EHD3: variants seen among roughly 807,000 people sequenced by gnomAD.
EHD3 encodes the protein EH domain containing 3.
In EHD3, 17 loss-of-function variants were observed where a neutral mutation model predicts 43.0. The ratio of observed to expected loss-of-function variants is 0.40; its 90% confidence interval spans 0.27 to 0.59. EHD3 has a LOEUF of 0.59. Ranked by LOEUF, EHD3 falls within the 20% of genes least tolerant of loss-of-function variation. EHD3 has a pLI of 0.49. For synonymous variants in EHD3, 313 were observed against 289.5 expected (o/e 1.08, Z -0.82); for missense variants, 594 against 705.6 (o/e 0.84, Z 1.79).
At chr2:31,256,065 G>A (rs961870898) in intron 3 of EHD3, among the ~76,000 whole-genome samples, 2 of 152,112 alleles carry the variant, frequency 1.3e-5, no homozygotes, top group Admixed American at 6.5e-5. Context: ...TCAATCCCCT[G>A]ATTTGACAGG....
intron 2 of EHD3, among the ~76,000 whole-genome samples, chr2:31,245,528 A>AATAT (rs775189280): frequency 9.6e-4 from 72 of 75,026 alleles, no homozygotes; most frequent in Middle Eastern, 8.1e-3. Flanking sequence ...TCTTATCCCA[A>AATAT]ATATATATAT....
At chr2:31,255,932 G>C (rs142160432) in intron 3 of EHD3, among the ~76,000 whole-genome samples, 1 of 152,168 alleles carries the variant, frequency 6.6e-6, no homozygotes. Context: ...CTCTCTTGCT[G>C]TGCCTGCAAA....
rs770239969 is a variant in EHD3, at chr2:31,266,728, G to T, written c.*24G>T. On this transcript the variant is annotated 3_prime_UTR_variant, in exon 6 of 6. Transcript: ENST00000322054. This position sits in a 1 kb window ranked among gnomAD's most constrained non-coding sequence, Gnocchi z 5.1. ...GATGGGGTGGGGGGACATTCAGACG[G>T]GCAGTGTTAGAGGAGGAGATGGGAG... 2 of 1,570,376 alleles carry T rather than the reference G, an allele frequency of 1.3e-6. No individual in the cohort carries two copies.
intron 5 of EHD3, among the ~76,000 whole-genome samples, chr2:31,262,182 G>A (rs1313329907): frequency 6.6e-6 from 1 of 152,178 alleles, no homozygotes; most frequent in Non-Finnish European, 1.5e-5. Context: ...GGGTCCTATT[G>A]CAGGTGCCTA....
chr2:31,239,937 G>A (rs62140707), intron 1 of EHD3, among the ~76,000 whole-genome samples: 2,997 of 152,270 alleles, frequency 0.02, 46 homozygotes, highest in Non-Finnish European at 0.031. Flanking sequence ...GGGGCACGTC[G>A]CTGAGCTCTG....
At chr2:31,255,870 A>C (rs182542576) in intron 3 of EHD3, among the ~76,000 whole-genome samples, 31 of 152,336 alleles carry the variant, frequency 2.0e-4, no homozygotes, top group African/African-American at 6.3e-4. Context: ...AGGCAGAGGC[A>C]GACTTCACAC....
intron 1 of EHD3, among the ~76,000 whole-genome samples, chr2:31,240,607 C>G (rs1175933216): frequency 6.6e-6 from 1 of 152,214 alleles, no homozygotes; most frequent in East Asian, 1.9e-4. Context: ...AGGCCCTTGC[C>G]TGACCACCTC....
chr2:31,267,197 A>C lies in EHD3; in HGVS notation c.*493A>C, dbSNP rs1400653219. The C allele has an allele frequency of 6.5e-6, 1 of 154,984 alleles. No homozygotes were observed. Among genetic ancestry groups the C allele is most frequent in the Non-Finnish European group, 1.4e-5 (1 of 69,916 alleles). The allele number at this position is 154,984 out of a possible 1,614,324, so 9.6% of individuals were successfully genotyped here. On this transcript the variant is annotated 3_prime_UTR_variant, in exon 6 of 6. Coordinates refer to ENST00000322054, the MANE Select transcript of EHD3 (RefSeq NM_014600.3). ...CTAGGAGATCTGAGGGCAGGCGGGC[A>C]GCTGCAGGGAGGAGAGGTGAGAAAG...
chr2:31,259,754 T>C (rs548031565), intron 3 of EHD3, among the ~76,000 whole-genome samples: 1 of 152,226 alleles, frequency 6.6e-6, no homozygotes, highest in Non-Finnish European at 1.5e-5. Context: ...TACTTTTTAG[T>C]GTTTCATTGT....
At position 31,261,440 on chromosome 2, in the gene EHD3, G is replaced by A. The variant is rs901311343; in HGVS notation, c.916-109G>A. The A allele has an allele frequency of 1.2e-5, 15 of 1,282,092 alleles. No homozygotes were observed. In the African/African-American group the frequency reaches 2.2e-4, roughly 19 times the overall value. 79.4% of individuals were successfully genotyped at this position (1,282,092 alleles called of 1,614,324 possible). Reference sequence around the variant, plus strand: ...AGAAATTATTTCAAAAGTAGGAGCAGGAGGAGGCGGGAGGGATGTAGGGGA... The same window carrying A: ...AGAAATTATTTCAAAAGTAGGAGCAAGAGGAGGCGGGAGGGATGTAGGGGA... On this transcript the variant is annotated intron_variant, in intron 4 of 5. Transcript: ENST00000322054.
intron 2 of EHD3, among the ~76,000 whole-genome samples, chr2:31,246,200 T>C (rs1386371874): frequency 6.6e-6 from 1 of 151,746 alleles, no homozygotes; most frequent in Admixed American, 6.6e-5. Context: ...AGTCCAGGGG[T>C]GTCTCTTATA....
In EHD3 at chr2:31,244,383, G is replaced by T; in HGVS notation, c.337G>T (p.Ala113Ser). The T allele has an allele frequency of 6.2e-7, 1 of 1,614,202 alleles. No individual in the cohort carries two copies. The highest frequency in any genetic ancestry group is 8.5e-7 in the Non-Finnish European group (1 of 1,180,030). Residue 113 changes from alanine (A) to serine (S), a missense_variant, in exon 2 of 6, where the codon GCC (alanine) becomes TCC (serine). This residue lies in a region of EHD3 where 243 missense variants were observed against 296.7 expected (regional missense o/e 0.82). Coordinates refer to ENST00000322054, the MANE Select transcript of EHD3 (RefSeq NM_014600.3). ...GDMEGIIPGNALVVDPKKPFR... is the reference protein window; with the variant it reads ...GDMEGIIPGNSLVVDPKKPFR... Reference sequence around the variant, plus strand: ...CATGGAGGGGATCATCCCTGGGAACGCCCTGGTGGTGGATCCCAAGAAACC... The same window carrying T: ...CATGGAGGGGATCATCCCTGGGAACTCCCTGGTGGTGGATCCCAAGAAACC...
intron 3 of EHD3, among the ~76,000 whole-genome samples, chr2:31,253,763 C>T (rs913632243): frequency 7.9e-5 from 12 of 152,072 alleles, no homozygotes; most frequent in Non-Finnish European, 1.8e-4. Flanking sequence ...CTGGGGTGCC[C>T]GGGAAGCTGA....
At position 31,261,646 on chromosome 2, in the gene EHD3, T is replaced by A; in HGVS notation, c.1013T>A (p.Ile338Asn). The A allele has an allele frequency of 6.2e-7, 1 of 1,614,110 alleles. No homozygotes were observed. Among genetic ancestry groups the A allele is most frequent in the East Asian group, 2.2e-5 (1 of 44,874 alleles). The part of the protein sequence containing the change: ...KKELVNNLAE[I>N]YGRIEREHQI... ...GAGCTGGTCAACAACCTGGCCGAGATCTATGGCCGGATCGAGCGGGAGCAC... is the reference window on the plus strand; with the variant it reads ...GAGCTGGTCAACAACCTGGCCGAGAACTATGGCCGGATCGAGCGGGAGCAC... Residue 338 changes from isoleucine to asparagine, a missense_variant, in exon 5 of 6, where the codon ATC becomes AAC. Coordinates refer to ENST00000322054, the MANE Select transcript of EHD3 (RefSeq NM_014600.3).
At chr2:31,250,880 G>T (rs1302906384) in intron 3 of EHD3, among the ~76,000 whole-genome samples, 2 of 152,212 alleles carry the variant, frequency 1.3e-5, no homozygotes, top group African/African-American at 4.8e-5. Flanking sequence ...ATGGACCTAG[G>T]TAGGTGACTG....
rs1684011577 is a variant in EHD3 at position 31,269,407 on chromosome 2, AAGAGT to A, written c.*2705_*2709del. ...TCAATGTATGCAAAGTCCCACGGAC[AAGAGT>A]AAAGTCTGATACCAATAAAGTGAAT... On this transcript the variant is annotated 3_prime_UTR_variant, in exon 6 of 6. Coordinates refer to ENST00000322054, the MANE Select transcript of EHD3 (RefSeq NM_014600.3). 6.6e-6 allele frequency: 1 copy of A among 152,244 alleles called. No homozygotes were observed. The highest frequency in any genetic ancestry group is 1.5e-5 in the Non-Finnish European group (1 of 68,044). 9.4% of individuals were successfully genotyped at this position (152,244 alleles called of 1,614,324 possible). A position where few individuals can be genotyped will look rare whatever the true frequency, so the allele number is the denominator to read the frequency against.
chr2:31,256,479 G>C (rs1683755641), intron 3 of EHD3, among the ~76,000 whole-genome samples: 1 of 152,198 alleles, frequency 6.6e-6, no homozygotes, highest in Non-Finnish European at 1.5e-5. Flanking sequence ...CACCTGCTGT[G>C]TGCCACACAC....
chr2:31,244,478 C>T, intron 2 of EHD3, 28 bp downstream of exon 2: 2 of 1,604,930 alleles, frequency 1.2e-6, no homozygotes, highest in Non-Finnish European at 1.7e-6. Context: ...ACAACACTTT[C>T]AGGTGCTCTC....
At chr2:31,250,533 T>C (rs1683615583) in intron 3 of EHD3, among the ~76,000 whole-genome samples, 1 of 152,138 alleles carries the variant, frequency 6.6e-6, no homozygotes, top group South Asian at 2.1e-4. Flanking sequence ...CCCAAAGTGT[T>C]GGGGATTACA....
Sources: gnomAD v4.1 joint callset for allele counts (sites outside exome capture counted in the v4.1 genomes callset) on GRCh38, gnomAD v4.1.1 for gene constraint, gnomAD v4.1.1 regional missense constraint, Gnocchi (gnomAD v3.1) non-coding constraint, MANE v1.5 for transcripts, NCBI Gene and HGNC (gene_info 2026-07-23, HGNC 2026-07-21) for gene names.